The following STARD13 variants were observed in gnomAD, a reference collection of about 807,000 sequenced individuals.
STARD13 encodes StAR related lipid transfer domain containing 13.
STARD13 carries 62 observed loss-of-function variants against 106.4 expected under a neutral mutation model. The ratio of observed to expected loss-of-function variants is 0.58; its 90% CI spans 0.48 to 0.72. STARD13 has a LOEUF of 0.72. STARD13 is among the 30% of genes least tolerant of loss of function. The pLI, the probability that STARD13 is intolerant of heterozygous loss-of-function variation, is 0.00. For synonymous variants in STARD13, 565 were observed against 553.0 expected (o/e 1.02, Z -0.31); for missense variants, 1,387 against 1,424.0 (o/e 0.97, Z 0.42).
At chr13:33,149,996 T>C (rs936594956) in intron 3 of STARD13, among the ~76,000 whole-genome samples, 1 of 152,214 alleles carries the variant, frequency 6.6e-6, no homozygotes, top group Non-Finnish European at 1.5e-5. Context: ...CCTGCATGGA[T>C]GAAAATTTCA....
exon 1 of STARD13, chr13:33,350,437 C>CTT (rs2078064853): frequency 6.6e-7 from 1 of 1,521,648 alleles, no homozygotes; most frequent in African/African-American, 1.4e-5. Flanking sequence ...TCATAACGAC[C>CTT]GGCGGGCTCT....
At chr13:33,296,841 A>G (rs1286732648) in intron 1 of STARD13, among the ~76,000 whole-genome samples, 1 of 151,002 alleles carries the variant, frequency 6.6e-6, no homozygotes, top group Non-Finnish European at 1.5e-5. Context: ...CTGGTCTTGA[A>G]CTCCTGACCT....
chr13:33,458,077 A>G, the STARD13 span, among the ~76,000 whole-genome samples: 1 of 152,180 alleles, frequency 6.6e-6, no homozygotes, highest in Non-Finnish European at 1.5e-5. Context: ...AGTTTCTGTA[A>G]TTATCCTTCA....
At chr13:33,586,107 A>G in the STARD13 span, among the ~76,000 whole-genome samples, 1 of 152,246 alleles carries the variant, frequency 6.6e-6, no homozygotes, top group Non-Finnish European at 1.5e-5. Context: ...CAATAAGAAT[A>G]TAATAAAAAT....
the STARD13 span, among the ~76,000 whole-genome samples, chr13:33,438,900 T>C: frequency 6.6e-6 from 1 of 152,202 alleles, no homozygotes; most frequent in South Asian, 2.1e-4. Flanking sequence ...TTTAGAGGCA[T>C]TATTTGACAA....
chr13:33,528,169 TTATA>T, the STARD13 span, among the ~76,000 whole-genome samples: 89 of 129,036 alleles, frequency 6.9e-4, 1 homozygote, highest in South Asian at 1.2e-3. Context: ...TAAGCTAATA[TTATA>T]TATATATATA....
chr13:33,105,581 A>C lies in STARD13; in HGVS notation c.*12T>G, dbSNP rs74490372. 9.1e-4 allele frequency: 1,437 copies of C among 1,580,460 alleles called. 12 individuals are homozygous for C. In the African/African-American group the frequency reaches 0.016, roughly 18 times the overall value. On this transcript the variant is annotated 3_prime_UTR_variant, in exon 14 of 14. Coordinates refer to ENST00000336934, the MANE Select transcript of STARD13 (RefSeq NM_178006.4). ...TCCTCTTCCCTGAGTTTGATGTCAC[A>C]CTGGGCAAAACTCAGATTTTAGTTT...
rs766080799 is a variant in STARD13 at position 33,127,538 on chromosome 13, C to T, written c.1757G>A (p.Arg586Gln). The change falls in exon 6 of 14, where the codon CGA (arginine) becomes CAA (glutamine). Residue 586 changes from arginine (R) to glutamine (Q), a missense_variant. Coordinates refer to ENST00000336934, the MANE Select transcript of STARD13 (RefSeq NM_178006.4). ...ASLTRPNRRL[R>Q]WNSFQLSHQP... ...GTGCGACAGCTGGAAACTGTTCCAT[C>T]GGAGTCGCCTTTACCAGAGAGACCA... is the stretch of plus-strand genomic sequence containing the variant. The T allele has an allele frequency of 1.3e-5, 20 of 1,544,278 alleles. No individual in the cohort carries two copies. The highest frequency in any genetic ancestry group is 5.9e-5 in the South Asian group (5 of 84,358).
chr13:33,348,337 C>T (rs1195347626), downstream of STARD13, among the ~76,000 whole-genome samples: 4 of 152,210 alleles, frequency 2.6e-5, no homozygotes, highest in Non-Finnish European at 5.9e-5. Context: ...TTTCCCTTCA[C>T]CACCTTAACT....
At chr13:33,167,744 G>T in intron 1 of STARD13, 122 bp from the exon 2 acceptor site, 1 of 984,086 alleles carries the variant, frequency 1.0e-6, no homozygotes, top group Non-Finnish European at 1.6e-6. Context: ...ATTGTTCCAG[G>T]TAAGTCTGCA....
the STARD13 span, among the ~76,000 whole-genome samples, chr13:33,363,721 AG>A: frequency 5.3e-5 from 8 of 152,194 alleles, no homozygotes; most frequent in African/African-American, 1.9e-4. Flanking sequence ...ACAAAGTAAC[AG>A]TTTTATTCCT....
At chr13:33,674,403 C>T in the STARD13 span, among the ~76,000 whole-genome samples, 3 of 152,102 alleles carry the variant, frequency 2.0e-5, no homozygotes, top group Admixed American at 6.5e-5. Flanking sequence ...ATAAAGAAAA[C>T]TATTAGCTCT....
At chr13:33,200,047 G>A (rs181837811) in intron 1 of STARD13, among the ~76,000 whole-genome samples, 2 of 152,302 alleles carry the variant, frequency 1.3e-5, no homozygotes, top group East Asian at 1.9e-4. Flanking sequence ...TGAAATCTGG[G>A]CCCATGAGCA....
chr13:33,638,537 G>A, the STARD13 span, among the ~76,000 whole-genome samples: 1 of 152,098 alleles, frequency 6.6e-6, no homozygotes, highest in African/African-American at 2.4e-5. Flanking sequence ...GTTAAGATAA[G>A]GGATTGTAGA....
the STARD13 span, among the ~76,000 whole-genome samples, chr13:33,642,562 A>T: frequency 6.6e-6 from 1 of 152,174 alleles, no homozygotes; most frequent in Non-Finnish European, 1.5e-5. Context: ...GACTCCCAGG[A>T]GCCCCGTTTA....
At chr13:33,187,929 C>T (rs554986829) in intron 1 of STARD13, among the ~76,000 whole-genome samples, 6 of 152,188 alleles carry the variant, frequency 3.9e-5, no homozygotes, top group Non-Finnish European at 7.3e-5. Context: ...AGTGATCTGC[C>T]CACCTCGGCC....
In STARD13 at chr13:33,103,217, T is replaced by A. The variant is rs1056583466; in HGVS notation, c.*2376A>T. 6.5e-6 allele frequency: 1 copy of A among 152,672 alleles called. No homozygotes were observed. The highest frequency in any genetic ancestry group is 1.5e-5 in the Non-Finnish European group (1 of 68,042). The allele number at this position is 152,672 out of a possible 1,614,324, so 9.5% of individuals were successfully genotyped here. A position where few individuals can be genotyped will look rare whatever the true frequency, so the allele number is the denominator to read the frequency against. On this transcript the variant is annotated 3_prime_UTR_variant, in exon 14 of 14. Coordinates refer to ENST00000336934, the MANE Select transcript of STARD13 (RefSeq NM_178006.4). The stretch of plus-strand genomic sequence containing the variant: ...ATTTATTTACAATTGATGATTGATA[T>A]CAACAATTGAGGTAAAAATATACAT...
the STARD13 span, among the ~76,000 whole-genome samples, chr13:33,619,491 C>T: frequency 6.6e-6 from 1 of 152,064 alleles, no homozygotes; most frequent in African/African-American, 2.4e-5. Flanking sequence ...TTTAAATGAA[C>T]CTAATTAACT....
chr13:33,414,435 T>A, the STARD13 span, among the ~76,000 whole-genome samples: 1 of 152,106 alleles, frequency 6.6e-6, no homozygotes, highest in Non-Finnish European at 1.5e-5. Context: ...CTTTGGTGAG[T>A]CCACATCACA....
Sources: gnomAD v4.1 joint callset for allele counts (sites outside exome capture counted in the v4.1 genomes callset) on GRCh38, gnomAD v4.1.1 for gene constraint, MANE v1.5 for transcripts, NCBI Gene and HGNC (gene_info 2026-07-23, HGNC 2026-07-21) for gene names.